The following GIPC3 variants were observed in gnomAD, a reference collection of about 807,000 sequenced individuals.
GIPC3 encodes the protein PDZ domain-containing protein GIPC3.
Under a neutral mutation model 27.3 loss-of-function variants are expected in GIPC3, and 16 were observed. The observed-to-expected ratio is 0.59, with a 90% CI of 0.40 to 0.89. GIPC3 has a LOEUF of 0.89. Ranked by LOEUF, GIPC3 falls within the 40% of genes least tolerant of loss-of-function variation. The probability of loss-of-function intolerance (pLI) is 0.00; values close to 1 mark genes in which losing one functional copy is unlikely to be tolerated. For synonymous variants in GIPC3, 194 were observed against 184.6 expected (o/e 1.05, Z -0.41); for missense variants, 440 against 442.1 (o/e 1.00, Z 0.04).
rs1463806512 is a variant in GIPC3 at position 3,589,560 on chromosome 19, G to A, written c.705+5G>A. ...GCTGCCACAGTGGAGGAAGCGGTGA[G>A]TGAAGGGGAGGGGCTCTCCCCAGGC... On this transcript the variant is annotated splice_donor_5th_base_variant and intron_variant, in intron 4 of 5. Coordinates refer to ENST00000644452, the MANE Select transcript of GIPC3 (RefSeq NM_133261.3). 1 of 1,608,262 alleles carries A rather than the reference G, an allele frequency of 6.2e-7. No individual in the cohort carries two copies. The highest frequency in any genetic ancestry group is 1.1e-5 in the South Asian group (1 of 90,960).
At chr19:3,589,621 G>A (rs1476688485) in intron 4 of GIPC3, 66 bp downstream of exon 4, 1 of 1,385,950 alleles carries the variant, frequency 7.2e-7, no homozygotes, top group Admixed American at 1.7e-5. Flanking sequence ...AGTCAGTGCG[G>A]TCTTGGGTAA....
chr19:3,590,170 G>A lies in GIPC3; in HGVS notation c.919G>A (p.Ala307Thr), dbSNP rs1345382392. The change falls in exon 6 of 6, where the codon GCC becomes ACC. Residue 307 changes from alanine to threonine, a missense_variant. Coordinates refer to ENST00000644452, the MANE Select transcript of GIPC3 (RefSeq NM_133261.3). ...VVEVWAAIGE[A>T]REACG ...GGAAGTGTGGGCCGCCATCGGCGAG[G>A]CCAGAGAGGCCTGTGGCTAGTTTGC... 2.5e-6 allele frequency: 4 copies of A among 1,604,264 alleles called. No homozygotes were observed. Among genetic ancestry groups the A allele is most frequent in the Admixed American group, 3.4e-5 (2 of 58,528 alleles).
At chr19:3,589,684 AAAAGTGGGGC>A in intron 4 of GIPC3, 129 bp downstream of exon 4, 1 of 1,116,184 alleles carries the variant, frequency 9.0e-7, no homozygotes, top group Middle Eastern at 2.7e-4. Flanking sequence ...GTCCTCATTG[AAAAGTGGGGC>A]AATGATGTTG....
chr19:3,591,284 G>C lies in GIPC3; in HGVS notation c.*1094G>C. 8.1e-7 allele frequency: 1 copy of C among 1,232,540 alleles called. No individual in the cohort carries two copies. Among genetic ancestry groups the C allele is most frequent in the Non-Finnish European group, 1.0e-6 (1 of 988,370 alleles). The allele number at this position is 1,232,540 out of a possible 1,614,324, so 76.4% of individuals were successfully genotyped here. ...GCTCTGAAGCCCAGGCCAGCTCTGA[G>C]ACGAAGCACATCTCTAGAATCCAGC... On this transcript the variant is annotated 3_prime_UTR_variant, in exon 6 of 6. Coordinates refer to ENST00000644452, the MANE Select transcript of GIPC3 (RefSeq NM_133261.3).
Position 3,586,908 on chromosome 19 carries a change from G to C in GIPC3, c.506G>C (p.Arg169Pro). 1 of 1,613,448 alleles carries C rather than the reference G, an allele frequency of 6.2e-7. No individual in the cohort carries two copies. The highest frequency in any genetic ancestry group is 8.5e-7 in the Non-Finnish European group (1 of 1,179,936). ...AACGACCACTCCATTGTGGGCTGCC[G>C]CCACTACGAGGTGGCCAAGATGCTC... ...AINDHSIVGC[R>P]HYEVAKMLRE... is the part of the protein sequence containing the mutation. Residue 169 changes from arginine to proline, a missense_variant, in exon 3 of 6, where the codon CGC (arginine) becomes CCC (proline). Physicochemically the swap from Arg to Pro is moderately radical, Grantham distance 103. Transcript: ENST00000644452.
At chr19:3,587,674 C>CTTTCTTTTTTCTTTTCTTTTCT (rs2032398826) in intron 3 of GIPC3, among the ~76,000 whole-genome samples, 1 of 114,868 alleles carries the variant, frequency 8.7e-6, no homozygotes, top group Admixed American at 9.5e-5. Context: ...TTTTTTTTTC[C>CTTTCTTTTTTCTTTTCTTTTCT]TTTCTTTTTT....
chr19:3,587,304 C>T (rs2032390973), intron 3 of GIPC3, among the ~76,000 whole-genome samples: 1 of 132,646 alleles, frequency 7.5e-6, no homozygotes, highest in Non-Finnish European at 1.6e-5. Flanking sequence ...GTTTTTGAGA[C>T]GGAGTCTCAC....
rs144259709 is a variant in GIPC3 at position 3,591,872 on chromosome 19, T to G, written c.*1682T>G. 31 of 1,232,776 alleles carry G rather than the reference T, an allele frequency of 2.5e-5. No individual in the cohort carries two copies. In the Middle Eastern group the frequency reaches 1.2e-3, roughly 49 times the overall value. The allele number at this position is 1,232,776 out of a possible 1,614,324, so 76.4% of individuals were successfully genotyped here. A position where few individuals can be genotyped will look rare whatever the true frequency, so the allele number is the denominator to read the frequency against. ...AGCTTGGTGCCAAGCCCCACTCTCC[T>G]TGCACAATGCAGCTCAGCTCTAGAA... On this transcript the variant is annotated 3_prime_UTR_variant, in exon 6 of 6. Transcript: ENST00000644452.
chr19:3,592,026 C>A lies in GIPC3; in HGVS notation c.*1836C>A, dbSNP rs890715472. On this transcript the variant is annotated 3_prime_UTR_variant, in exon 6 of 6. Coordinates refer to ENST00000644452, the MANE Select transcript of GIPC3 (RefSeq NM_133261.3). ...TGGAGCACAGGCTGGTTCTGAAATC[C>A]CAGCCAGCTCCAAAACACAGACAGC... 2 of 1,231,942 alleles carry A rather than the reference C, an allele frequency of 1.6e-6. No homozygotes were observed. The highest frequency in any genetic ancestry group is 2.0e-6 in the Non-Finnish European group (2 of 988,040). The allele number at this position is 1,231,942 out of a possible 1,614,324, so 76.3% of individuals were successfully genotyped here. A position where few individuals can be genotyped will look rare whatever the true frequency, so the allele number is the denominator to read the frequency against.
chr19:3,589,270 G>C (rs1348203877), intron 3 of GIPC3, among the ~76,000 whole-genome samples, 173 bp from the exon 4 acceptor site: 1 of 152,152 alleles, frequency 6.6e-6, no homozygotes, highest in Non-Finnish European at 1.5e-5. Context: ...TAGTTTGCTG[G>C]GGATGCGAAG....
chr19:3,589,498 C>A lies in GIPC3; in HGVS notation c.648C>A (p.Thr216=), dbSNP rs1255340307. Residue 216 remains threonine, a synonymous_variant, in exon 4 of 6, where the codon ACC becomes ACA. Coordinates refer to ENST00000644452, the MANE Select transcript of GIPC3 (RefSeq NM_133261.3). ...AATGTCCAGTAGAGGCGAAAGTGACCAGCGGGAGGGAGACCCTGCGGCTTC... is the reference window on the plus strand; with the variant it reads ...AATGTCCAGTAGAGGCGAAAGTGACAAGCGGGAGGGAGACCCTGCGGCTTC... ...SSKCPVEAKV[T]SGRETLRLRS... 1.9e-6 allele frequency: 3 copies of A among 1,613,906 alleles called. No individual in the cohort carries two copies. Among genetic ancestry groups the A allele is most frequent in the African/African-American group, 1.3e-5 (1 of 74,880 alleles).
intron 5 of GIPC3, 50 bp downstream of exon 5, chr19:3,589,962 G>A: frequency 6.2e-7 from 1 of 1,613,222 alleles, no homozygotes; most frequent in Non-Finnish European, 8.5e-7. Context: ...GAAGCCTACG[G>A]GAGGAGGCAG....
At position 3,590,935 on chromosome 19, in the gene GIPC3, G is replaced by T; in HGVS notation, c.*745G>T. On this transcript the variant is annotated 3_prime_UTR_variant, in exon 6 of 6. Transcript: ENST00000644452. The stretch of plus-strand genomic sequence containing the variant: ...ATGCCCAGCTCTAGAACTCAGATGA[G>T]CTCTGAGACAGAGCCCAGTATTGAG... 7.3e-6 allele frequency: 9 copies of T among 1,233,996 alleles called. No homozygotes were observed. The highest frequency in any genetic ancestry group is 9.1e-6 in the Non-Finnish European group (9 of 989,372). 76.4% of individuals were successfully genotyped at this position (1,233,996 alleles called of 1,614,324 possible).
chr19:3,586,608 G>A lies in GIPC3; in HGVS notation c.339G>A (p.Val113=), dbSNP rs755213607. Residue 113 remains valine, a synonymous_variant, in exon 2 of 6, where the codon GTG becomes GTA. Transcript: ENST00000644452. ...FAHVRGETKE[V]EVTKTEDALG... Reference sequence around the variant, plus strand: ...ACGTGCGAGGCGAGACCAAGGAGGTGGAGGTCACTAAGACAGAGGATGCTC... The same window carrying A: ...ACGTGCGAGGCGAGACCAAGGAGGTAGAGGTCACTAAGACAGAGGATGCTC... 10 of 1,613,822 alleles carry A rather than the reference G, an allele frequency of 6.2e-6. No homozygotes were observed. Among genetic ancestry groups the A allele is most frequent in the Non-Finnish European group, 8.5e-6 (10 of 1,179,972 alleles).
intron 3 of GIPC3, among the ~76,000 whole-genome samples, chr19:3,588,691 T>C (rs1023392473): frequency 1.4e-5 from 2 of 145,688 alleles, no homozygotes; most frequent in African/African-American, 5.2e-5. Flanking sequence ...AAGCCTGTAA[T>C]CCCAGTACTT....
rs2032502598 is a variant in GIPC3 at position 3,592,399 on chromosome 19, GA to G, written c.*2211del. On this transcript the variant is annotated 3_prime_UTR_variant, in exon 6 of 6. Transcript: ENST00000644452. ...AGCTCAAGAATTCAAGCCAGCTCTG[GA>G]AGTCAGCTTAGTTCGGGAACCCAGC... The G allele has an allele frequency of 8.1e-7, 1 of 1,231,900 alleles. No homozygotes were observed. The highest frequency in any genetic ancestry group is 1.6e-5 in the African/African-American group (1 of 64,374). The allele number at this position is 1,231,900 out of a possible 1,614,324, so 76.3% of individuals were successfully genotyped here.
chr19:3,589,449 T>C lies in GIPC3; in HGVS notation c.599T>C (p.Ile200Thr), dbSNP rs750617576. The C allele has an allele frequency of 6.2e-7, 1 of 1,612,944 alleles. No homozygotes were observed. Among genetic ancestry groups the C allele is most frequent in the Non-Finnish European group, 8.5e-7 (1 of 1,179,106 alleles). The change falls in exon 4 of 6, where the codon ATT becomes ACT. Residue 200 changes from isoleucine to threonine, a missense_variant. Coordinates refer to ENST00000644452, the MANE Select transcript of GIPC3 (RefSeq NM_133261.3). ...LVQPKRAFDM[I>T]GQRSRSSKCP... ...CTCACTCTGTTCCCTCCAGATATGA[T>C]TGGCCAGAGAAGTCGGTCCAGCAAA...
Position 3,589,892 on chromosome 19 carries a change from G to A in GIPC3, c.767G>A (p.Gly256Asp), listed in dbSNP as rs387907001. ...GATGACCTGCTGGAAAGCTACATGG[G>A]CATTCGGGACCCCGAGCTGGGTAAG... Reference protein sequence around the residue: ...KVDDLLESYMGIRDPELASTM... With the variant: ...KVDDLLESYMDIRDPELASTM... The change falls in exon 5 of 6, where the codon GGC becomes GAC. Residue 256 changes from glycine to aspartate, a missense_variant. Coordinates refer to ENST00000644452, the MANE Select transcript of GIPC3 (RefSeq NM_133261.3). 1.9e-6 allele frequency: 3 copies of A among 1,613,886 alleles called. No homozygotes were observed. Among genetic ancestry groups the A allele is most frequent in the South Asian group, 1.1e-5 (1 of 91,088 alleles).
In GIPC3 at chr19:3,589,824, C is replaced by A. The variant is rs775627552; in HGVS notation, c.706-7C>A. 1 of 1,613,094 alleles carries A rather than the reference C, an allele frequency of 6.2e-7. No individual in the cohort carries two copies. Among genetic ancestry groups the A allele is most frequent in the Non-Finnish European group, 8.5e-7 (1 of 1,179,774 alleles). On this transcript the variant is annotated splice_region_variant and splice_polypyrimidine_tract_variant and intron_variant, in intron 4 of 5. Transcript: ENST00000644452. ...TCACCCCTGACTTCCCTCCCGTGTG[C>A]CCCCAGCCCAGTGAGTTTGAGGAGG...
Sources: allele counts gnomAD v4.1 joint callset (sites outside exome capture counted in the v4.1 genomes callset), GRCh38; gene constraint gnomAD v4.1.1; transcripts MANE v1.5; gene names NCBI Gene and HGNC (gene_info 2026-07-23, HGNC 2026-07-21).